Variants in ASAP2 observed in about 807,000 individuals in gnomAD.
ASAP2 encodes the protein arf-GAP with SH3 domain, ANK repeat and PH domain-containing protein 2.
Under a neutral mutation model 131.4 loss-of-function variants are expected in ASAP2, and 45 were observed. The ratio of observed to expected loss-of-function variants is 0.34; its 90% confidence interval spans 0.27 to 0.44. The LOEUF (loss-of-function observed/expected upper bound fraction) is 0.44. ASAP2 is among the 20% of genes least tolerant of loss of function. The pLI, the probability that ASAP2 is intolerant of heterozygous loss-of-function variation, is 1.00. For synonymous variants in ASAP2, 510 were observed against 503.0 expected (o/e 1.01, Z -0.19); for missense variants, 1,011 against 1,297.0 (o/e 0.78, Z 3.39).
Position 9,336,188 on chromosome 2 carries a change from A to G in ASAP2, c.849+1009A>G, listed in dbSNP as rs577689377. The G allele has an allele frequency of 4.0e-5, 6 of 151,434 alleles. No homozygotes were observed. In the South Asian group the frequency reaches 1.2e-3, roughly 31 times the overall value. The allele number at this position is 151,434 out of a possible 1,614,324, so 9.4% of individuals were successfully genotyped here. A position where few individuals can be genotyped will look rare whatever the true frequency, so the allele number is the denominator to read the frequency against. ...CCTTTCATTGTTGTAGACTTTATTAAAGGCTGAAGAGTTTGCATAAATATT... is the reference window on the plus strand; with the variant it reads ...CCTTTCATTGTTGTAGACTTTATTAGAGGCTGAAGAGTTTGCATAAATATT... On this transcript the variant is annotated intron_variant, in intron 9 of 27. Coordinates refer to ENST00000281419, the MANE Select transcript of ASAP2 (RefSeq NM_003887.3).
chr2:9,362,682 A>C (rs1244324699), intron 15 of ASAP2, among the ~76,000 whole-genome samples: 1 of 151,994 alleles, frequency 6.6e-6, no homozygotes, highest in African/African-American at 2.4e-5. Flanking sequence ...TCTACAAATA[A>C]TTTTTTAAAA....
chr2:9,401,492 C>A, intron 27 of ASAP2, 96 bp downstream of exon 27: 2 of 1,478,190 alleles, frequency 1.4e-6, no homozygotes, highest in Non-Finnish European at 1.8e-6. Flanking sequence ...GTTTTCTCAG[C>A]CTGAGCAGTC....
intron 9 of ASAP2, among the ~76,000 whole-genome samples, chr2:9,338,821 A>G (rs935004718): frequency 1.3e-5 from 2 of 152,216 alleles, no homozygotes; most frequent in Non-Finnish European, 2.9e-5. Flanking sequence ...CGGGCTGGGC[A>G]GGTGCCATCA....
chr2:9,271,724 CT>C, intron 1 of ASAP2: 1 of 445,958 alleles, frequency 2.2e-6, no homozygotes, highest in Admixed American at 4.1e-5. Flanking sequence ...AAGGGGGAGG[CT>C]GCTGAGTCCT....
At chr2:9,385,156 G>A in intron 20 of ASAP2, 89 bp from the exon 21 acceptor site, 1 of 963,552 alleles carries the variant, frequency 1.0e-6, no homozygotes, top group South Asian at 1.5e-5. Flanking sequence ...TGGACTAGAA[G>A]GCAGGCCTCC....
chr2:9,401,190 C>T (rs556479530), intron 26 of ASAP2, 84 bp from the exon 27 acceptor site: 86 of 1,555,454 alleles, frequency 5.5e-5, no homozygotes, highest in African/African-American at 1.5e-4. Flanking sequence ...CTCCTGAGAC[C>T]GGGGAAGGCA....
At chr2:9,366,766 C>T (rs936806560) in intron 15 of ASAP2, among the ~76,000 whole-genome samples, 12 of 152,122 alleles carry the variant, frequency 7.9e-5, no homozygotes, top group Admixed American at 3.9e-4. Flanking sequence ...TGTCAAGGGC[C>T]GGGTTGAATT....
intron 18 of ASAP2, among the ~76,000 whole-genome samples, 195 bp downstream of exon 18, chr2:9,377,188 T>C (rs1403618942): frequency 1.3e-4 from 20 of 152,120 alleles, no homozygotes; most frequent in Admixed American, 1.3e-3. Flanking sequence ...CTAGAAACTC[T>C]TTTGTGGTAA....
chr2:9,214,798 A>AT (rs1435811319), intron 1 of ASAP2, among the ~76,000 whole-genome samples: 1 of 148,410 alleles, frequency 6.7e-6, no homozygotes, highest in African/African-American at 2.5e-5. Flanking sequence ...AAAAAAAAAA[A>AT]GTGAACAGGA....
chr2:9,259,105 T>C (rs1321459349), intron 1 of ASAP2, among the ~76,000 whole-genome samples: 1 of 152,234 alleles, frequency 6.6e-6, no homozygotes, highest in Non-Finnish European at 1.5e-5. Flanking sequence ...AGGTTCAGCC[T>C]CTTCCCCTTA....
rs70948813 is a variant in ASAP2 at position 9,264,195 on chromosome 2, A to AAATAATAATAAT, written c.127-15104_127-15093dup. 1.1e-4 allele frequency among the ~76,000 whole-genome samples: 16 copies of AAATAATAATAAT among 141,872 alleles called. 1 individual carries two copies. Among genetic ancestry groups the AAATAATAATAAT allele is most frequent in the African/African-American group, 4.2e-4 (16 of 37,942 alleles). The allele number at this position is 141,872 out of a possible 152,430, so 93.1% of individuals were successfully genotyped here. A position where few individuals can be genotyped will look rare whatever the true frequency, so the allele number is the denominator to read the frequency against. On this transcript the variant is annotated intron_variant, in intron 1 of 27. Transcript: ENST00000281419. ...CAGTGAGTGAGACCCTGTCTCAAAA[A>AAATAATAATAAT]AATAATAATAATAATAATAATAATA...
At chr2:9,272,064 G>C (rs1459305124) in intron 1 of ASAP2, among the ~76,000 whole-genome samples, 1 of 151,956 alleles carries the variant, frequency 6.6e-6, no homozygotes, top group Admixed American at 6.6e-5. Flanking sequence ...CTTTCTTTTG[G>C]GTATGTACAC....
At chr2:9,213,194 T>C (rs1337036626) in intron 1 of ASAP2, among the ~76,000 whole-genome samples, 1 of 152,134 alleles carries the variant, frequency 6.6e-6, no homozygotes, top group Non-Finnish European at 1.5e-5. Flanking sequence ...GAGGTGACAT[T>C]TGAGCAGGCT....
In ASAP2 at chr2:9,207,101, G is replaced by C. The variant is rs970191145; in HGVS notation, c.-4G>C. On this transcript the variant is annotated 5_prime_UTR_variant, in exon 1 of 28. Transcript: ENST00000281419. This position sits in a 1 kb window ranked among gnomAD's most constrained non-coding sequence, Gnocchi z 4.1. ...CTGTGCGCCAGCGCCCTCGCGCCGA[G>C]GCGATGCCGGACCAGATCTCCGTGT... is the stretch of plus-strand genomic sequence containing the variant. 6.3e-7 allele frequency: 1 copy of C among 1,580,114 alleles called. No homozygotes were observed. The highest frequency in any genetic ancestry group is 1.1e-5 in the South Asian group (1 of 88,010).
At position 9,296,756 on chromosome 2, in the gene ASAP2, C is replaced by T. The variant is rs183430482; in HGVS notation, c.200-544C>T. On this transcript the variant is annotated intron_variant, in intron 2 of 27. Coordinates refer to ENST00000281419, the MANE Select transcript of ASAP2 (RefSeq NM_003887.3). ...GTCATGGAAGGCTTCCTGGAGGAAGCATGAGTCTGTAGGATGCAGAGGAGT... is the reference window on the plus strand; with the variant it reads ...GTCATGGAAGGCTTCCTGGAGGAAGTATGAGTCTGTAGGATGCAGAGGAGT... Among the ~76,000 whole-genome samples the T allele has an allele frequency of 3.3e-5, 5 of 152,256 alleles. No homozygotes were observed. The East Asian group carries it at 9.6e-4, about 29-fold the overall frequency.
chr2:9,209,756 A>T (rs910971857), intron 1 of ASAP2, among the ~76,000 whole-genome samples: 1 of 152,162 alleles, frequency 6.6e-6, no homozygotes, highest in Admixed American at 6.5e-5. Flanking sequence ...TTTAGTAGAG[A>T]TGGGGTTTCA....
intron 1 of ASAP2, among the ~76,000 whole-genome samples, chr2:9,250,556 G>A (rs563180285): frequency 4.7e-5 from 7 of 150,368 alleles, no homozygotes; most frequent in Non-Finnish European, 8.9e-5. Context: ...AAGGATACAG[G>A]GCACATTGCA....
chr2:9,217,670 G>A lies in ASAP2; in HGVS notation c.126+10440G>A, dbSNP rs1343504633. 2.6e-5 allele frequency among the ~76,000 whole-genome samples: 4 copies of A among 151,258 alleles called. No individual in the cohort carries two copies. Among genetic ancestry groups the A allele is most frequent in the Non-Finnish European group, 4.4e-5 (3 of 67,818 alleles). Reference sequence around the variant, plus strand: ...CGCTCTGCCACCCAGGCTGGAGTGCGGTGGCACAATCTCGGCTCACTGCAA... The same window carrying A: ...CGCTCTGCCACCCAGGCTGGAGTGCAGTGGCACAATCTCGGCTCACTGCAA... On this transcript the variant is annotated intron_variant, in intron 1 of 27. Coordinates refer to ENST00000281419, the MANE Select transcript of ASAP2 (RefSeq NM_003887.3). The surrounding 1 kb of genome is among the most constrained non-coding windows in gnomAD (Gnocchi z 4.0).
At chr2:9,237,900 C>T (rs1178247939) in intron 1 of ASAP2, among the ~76,000 whole-genome samples, 2 of 152,184 alleles carry the variant, frequency 1.3e-5, no homozygotes, top group Non-Finnish European at 2.9e-5. Flanking sequence ...AGTATGATCT[C>T]TGTCCCAATT....
Sources: gnomAD v4.1 joint callset for allele counts (sites outside exome capture counted in the v4.1 genomes callset) on GRCh38, gnomAD v4.1.1 for gene constraint, Gnocchi (gnomAD v3.1) non-coding constraint, MANE v1.5 for transcripts, NCBI Gene and HGNC (gene_info 2026-07-23, HGNC 2026-07-21) for gene names.